The following LRP2 variants were observed in gnomAD, a reference collection of about 807,000 sequenced individuals.
LRP2 encodes low-density lipoprotein receptor-related protein 2.
LRP2 carries 172 observed loss-of-function variants against 531.0 expected under a neutral mutation model. That is an observed-to-expected ratio of 0.32 (90% CI 0.29 to 0.37). The LOEUF is 0.37. Ranked by LOEUF, LRP2 falls within the 10% of genes least tolerant of loss-of-function variation. LRP2 has a pLI of 1.00. For synonymous variants in LRP2, 1,992 were observed against 2,027.6 expected (o/e 0.98, Z 0.47); for missense variants, 5,167 against 5,868.3 (o/e 0.88, Z 3.90).
At chr2:169,216,805 G>A (rs2105348227) in intron 34 of LRP2, among the ~76,000 whole-genome samples, 1 of 152,224 alleles carries the variant, frequency 6.6e-6, no homozygotes, top group East Asian at 1.9e-4. Flanking sequence ...ATAAAAAGCT[G>A]CCAAGTACAC....
At chr2:169,326,522 A>G (rs986207534) in intron 1 of LRP2, among the ~76,000 whole-genome samples, 3 of 151,690 alleles carry the variant, frequency 2.0e-5, no homozygotes, top group Admixed American at 6.6e-5. Flanking sequence ...TCAGTGCTCA[A>G]TGGTGCCCAG....
At chr2:169,131,229 A>C (rs987897610) in intron 77 of LRP2, among the ~76,000 whole-genome samples, 1 of 146,576 alleles carries the variant, frequency 6.8e-6, no homozygotes, top group African/African-American at 2.6e-5. Context: ...TCTAGACAAT[A>C]TTTATGTATG....
At chr2:169,186,124 A>G in intron 49 of LRP2, 105 bp from the exon 50 acceptor site, 1 of 1,014,262 alleles carries the variant, frequency 9.9e-7, no homozygotes, top group Non-Finnish European at 1.5e-6. Flanking sequence ...TTCTTAATGA[A>G]TCATGCTAAG....
In LRP2 at chr2:169,145,803, A is replaced by G; in HGVS notation, c.12932T>C (p.Val4311Ala). Reference protein sequence around the residue: ...GQGKKEKTLVVNPWLTQVRIF... With the variant: ...GQGKKEKTLVANPWLTQVRIF... ...TCGAACTTGAGTGAGCCAAGGGTTCACTACCAGCGTTTTCTCTTTCTTTCC... is the reference window on the plus strand; with the variant it reads ...TCGAACTTGAGTGAGCCAAGGGTTCGCTACCAGCGTTTTCTCTTTCTTTCC... Residue 4311 changes from valine (V) to alanine (A), a missense_variant, in exon 70 of 79, where the codon GTG becomes GCG. Val to Ala is a moderately conservative substitution (Grantham distance 64). Coordinates refer to ENST00000649046, the MANE Select transcript of LRP2 (RefSeq NM_004525.3). The G allele has an allele frequency of 6.2e-7, 1 of 1,614,174 alleles. No homozygotes were observed. The highest frequency in any genetic ancestry group is 8.5e-7 in the Non-Finnish European group (1 of 1,180,014).
chr2:169,353,917 G>A (rs1386188083), intron 1 of LRP2, among the ~76,000 whole-genome samples: 1 of 152,188 alleles, frequency 6.6e-6, no homozygotes, highest in Non-Finnish European at 1.5e-5. Flanking sequence ...CTTCAGCCTG[G>A]GAAGTTGAGG....
rs776178253 is a variant in LRP2 at position 169,185,906 on chromosome 2, G to T, written c.9442C>A (p.Arg3148=). 76 of 1,613,772 alleles carry T rather than the reference G, an allele frequency of 4.7e-5. No homozygotes were observed. The highest frequency in any genetic ancestry group is 6.1e-5 in the Non-Finnish European group (72 of 1,179,964). The change falls in exon 50 of 79, where the codon CGG becomes AGG. Residue 3148 remains arginine, a synonymous_variant. Coordinates refer to ENST00000649046, the MANE Select transcript of LRP2 (RefSeq NM_004525.3). ...CATTCATCAATATCAACACAAGTCCGCTTGTCAGACATGAGCTTGTAACCA... is the reference window on the plus strand; with the variant it reads ...CATTCATCAATATCAACACAAGTCCTCTTGTCAGACATGAGCTTGTAACCA... ...RPGYKLMSDK[R]TCVDIDECTE...
chr2:169,145,451 T>C (rs1685872627), intron 70 of LRP2, among the ~76,000 whole-genome samples: 1 of 152,232 alleles, frequency 6.6e-6, no homozygotes, highest in East Asian at 1.9e-4. Context: ...TGATGTCTGC[T>C]GGATTCTGTG....
chr2:169,156,395 T>G lies in LRP2; in HGVS notation c.12030A>C (p.Glu4010Asp). The part of the protein sequence containing the change: ...FDRTSCLDIN[E>D]CEQFGTCPQH... ...GGGGACAAGTCCCAAATTGTTCACATTCATTGATATCTGTAGGCAAAATAA... is the reference window on the plus strand; with the variant it reads ...GGGGACAAGTCCCAAATTGTTCACAGTCATTGATATCTGTAGGCAAAATAA... The change falls in exon 65 of 79, where the codon GAA becomes GAC. Residue 4010 changes from glutamate to aspartate, a missense_variant. Transcript: ENST00000649046. The G allele has an allele frequency of 5.0e-6, 8 of 1,613,494 alleles. No homozygotes were observed. The highest frequency in any genetic ancestry group is 6.8e-6 in the Non-Finnish European group (8 of 1,179,528).
chr2:169,156,512 T>A, intron 64 of LRP2, 107 bp from the exon 65 acceptor site: 2 of 1,244,626 alleles, frequency 1.6e-6, no homozygotes, highest in Non-Finnish European at 2.3e-6. Flanking sequence ...CCGAGAAGGG[T>A]ACAGATGAAA....
chr2:169,130,085 T>C (rs1685229763), intron 77 of LRP2, among the ~76,000 whole-genome samples: 1 of 152,176 alleles, frequency 6.6e-6, no homozygotes, highest in Admixed American at 6.5e-5. Flanking sequence ...CATGAAGACA[T>C]TCAGGTCAGA....
intron 1 of LRP2, among the ~76,000 whole-genome samples, chr2:169,341,913 C>A (rs1357054940): frequency 6.6e-6 from 1 of 152,108 alleles, no homozygotes; most frequent in Admixed American, 6.6e-5. Context: ...TCCTATCAAC[C>A]AAGATGGGCC....
chr2:169,170,496 C>T, intron 59 of LRP2, 55 bp downstream of exon 59: 1 of 1,344,884 alleles, frequency 7.4e-7, no homozygotes. Context: ...TAATTTGAAG[C>T]CCCTACACTG....
chr2:169,273,421 A>G (rs1683473949), intron 14 of LRP2, among the ~76,000 whole-genome samples: 1 of 152,192 alleles, frequency 6.6e-6, no homozygotes, highest in Non-Finnish European at 1.5e-5. Flanking sequence ...CATTTGTAGG[A>G]TATAATAAAT....
intron 44 of LRP2, 109 bp from the exon 45 acceptor site, chr2:169,199,020 G>T: frequency 8.6e-7 from 1 of 1,165,020 alleles, no homozygotes; most frequent in Non-Finnish European, 1.2e-6. Flanking sequence ...CTGGAAGGGC[G>T]GCATTTTCAA....
Position 169,213,728 on chromosome 2 carries a change from G to A in LRP2, c.5969C>T (p.Thr1990Ile). The change falls in exon 36 of 79, where the codon ACT becomes ATT. Residue 1990 changes from threonine (T) to isoleucine (I), a missense_variant. Transcript: ENST00000649046. ...TCTCAAGACTATTTTGTTGGCCCCA[G>A]TGGCCTTATCAACTCTTTCAATGAC... The part of the protein sequence containing the change: ...YEVIERVDKA[T>I]GANKIVLRDN... 6.2e-7 allele frequency: 1 copy of A among 1,613,856 alleles called. No individual in the cohort carries two copies. The highest frequency in any genetic ancestry group is 1.3e-5 in the African/African-American group (1 of 75,002).
intron 48 of LRP2, among the ~76,000 whole-genome samples, chr2:169,190,945 T>C (rs748397918): frequency 6.6e-5 from 10 of 152,200 alleles, no homozygotes; most frequent in Non-Finnish European, 1.3e-4. Context: ...GTTAAGAATG[T>C]ATATAAACTG....
At chr2:169,324,099 C>T (rs1269703345) in intron 1 of LRP2, among the ~76,000 whole-genome samples, 3 of 152,082 alleles carry the variant, frequency 2.0e-5, no homozygotes, top group African/African-American at 7.2e-5. Context: ...AAGTGCTCTG[C>T]CAACATTAGC....
At chr2:169,276,909 A>C (rs555864398) in intron 13 of LRP2, among the ~76,000 whole-genome samples, 7 of 152,254 alleles carry the variant, frequency 4.6e-5, no homozygotes, top group African/African-American at 1.7e-4. Context: ...AATATGCCAT[A>C]TTCAGCCAGG....
chr2:169,261,351 T>C (rs79934018), intron 16 of LRP2, among the ~76,000 whole-genome samples: 1 of 151,990 alleles, frequency 6.6e-6, no homozygotes, highest in African/African-American at 2.4e-5. Context: ...TCTTTTTCTT[T>C]AGAGACAGGT....
Sources: gnomAD v4.1 joint callset for allele counts (sites outside exome capture counted in the v4.1 genomes callset) on GRCh38, gnomAD v4.1.1 for gene constraint, MANE v1.5 for transcripts, NCBI Gene and HGNC (gene_info 2026-07-23, HGNC 2026-07-21) for gene names.